Variants in DDX10 observed in about 807,000 individuals in gnomAD.
DDX10 encodes the protein DEAD-box helicase 10.
In DDX10, 74 loss-of-function variants were observed where a neutral mutation model predicts 104.3. The ratio of observed to expected loss-of-function variants is 0.71; its 90% CI spans 0.59 to 0.86. DDX10 has a LOEUF of 0.86. Ranked by LOEUF, DDX10 falls within the 40% of genes least tolerant of loss-of-function variation. The probability of loss-of-function intolerance (pLI) is 0.00; values close to 1 mark genes in which losing one functional copy is unlikely to be tolerated. For missense variants in DDX10, 952 were observed against 1,040.0 expected (o/e 0.92, Z 1.16); for synonymous variants, 351 against 353.4 (o/e 0.99, Z 0.08).
chr11:108,880,648 A>G (rs1467542115), intron 16 of DDX10, among the ~76,000 whole-genome samples: 1 of 152,226 alleles, frequency 6.6e-6, no homozygotes, highest in Non-Finnish European at 1.5e-5. Flanking sequence ...AAACGTAGGC[A>G]CTTCGGCAAA....
At chr11:108,875,958 A>G (rs1328385349) in intron 16 of DDX10, among the ~76,000 whole-genome samples, 1 of 152,182 alleles carries the variant, frequency 6.6e-6, no homozygotes, top group African/African-American at 2.4e-5. Context: ...GTCGTTATGT[A>G]CACTAGAGCA....
intron 13 of DDX10, among the ~76,000 whole-genome samples, chr11:108,827,781 G>T (rs370178454): frequency 1.3e-5 from 2 of 152,058 alleles, no homozygotes; most frequent in East Asian, 1.9e-4. Flanking sequence ...TGTTGCTATA[G>T]CCGGTATGTT....
intron 14 of DDX10, among the ~76,000 whole-genome samples, chr11:108,840,646 T>G (rs939451278): frequency 6.6e-6 from 1 of 152,200 alleles, no homozygotes; most frequent in Non-Finnish European, 1.5e-5. Flanking sequence ...AAACTGTATG[T>G]GTAAAATATG....
At chr11:108,670,369 CAGGTAGGA>C (rs2094215407) in intron 1 of DDX10, among the ~76,000 whole-genome samples, 1 of 152,056 alleles carries the variant, frequency 6.6e-6, no homozygotes, top group Admixed American at 6.5e-5. Context: ...GAAGGAGCAG[CAGGTAGGA>C]AGGTAGGAAG....
chr11:108,837,607 C>CTTTTTTTTTTTTTTTTTTTTTTTTTTT lies in DDX10; in HGVS notation c.1966-830_1966-804dup, dbSNP rs142381520. Among the ~76,000 whole-genome samples the CTTTTTTTTTTTTTTTTTTTTTTTTTTT allele has an allele frequency of 8.6e-5, 3 of 34,748 alleles. 1 individual carries two copies. Among genetic ancestry groups the CTTTTTTTTTTTTTTTTTTTTTTTTTTT allele is most frequent in the African/African-American group, 1.3e-4 (1 of 7,928 alleles). 22.8% of individuals were successfully genotyped at this position (34,748 alleles called of 152,430 possible). The stretch of plus-strand genomic sequence containing the variant: ...TTCTGCATCTCACCTTTGGATACAG[C>CTTTTTTTTTTTTTTTTTTTTTTTTTTT]TTTTTTTTTTTTTTTTTTTTTTTTT... On this transcript the variant is annotated intron_variant, in intron 13 of 17. Coordinates refer to ENST00000322536, the MANE Select transcript of DDX10 (RefSeq NM_004398.4).
Position 108,723,478 on chromosome 11 carries a change from G to T in DDX10, c.1965+16G>T. ...AACATTACAGGTAAGTTTACTCCCA[G>T]TGGAGGGTCTTCTATTACATTGTCT... On this transcript the variant is annotated intron_variant, in intron 13 of 17. Coordinates refer to ENST00000322536, the MANE Select transcript of DDX10 (RefSeq NM_004398.4). 6.3e-7 allele frequency: 1 copy of T among 1,597,596 alleles called. No homozygotes were observed. Among genetic ancestry groups the T allele is most frequent in the Non-Finnish European group, 8.5e-7 (1 of 1,172,946 alleles).
Position 108,867,363 on chromosome 11 carries a change from GTTTGAAC to G in DDX10, c.2304+15161_2304+15167del, listed in dbSNP as rs938909318. Among the ~76,000 whole-genome samples the G allele has an allele frequency of 2.6e-5, 4 of 152,298 alleles. No homozygotes were observed. In the South Asian group the frequency reaches 6.2e-4, roughly 24 times the overall value. ...ATTTATTTAGTAGTTTGAGTAGAAA[GTTTGAAC>G]TTTGAAGAGTAAGCCAGAGCTTCAT... On this transcript the variant is annotated intron_variant, in intron 16 of 17. Transcript: ENST00000322536.
intron 16 of DDX10, among the ~76,000 whole-genome samples, chr11:108,865,927 G>GA (rs1392723833): frequency 3.3e-5 from 5 of 151,828 alleles, no homozygotes; most frequent in African/African-American, 9.7e-5. Context: ...TGAATCCAAA[G>GA]AAAAAAAATA....
intron 1 of DDX10, among the ~76,000 whole-genome samples, chr11:108,668,689 A>C (rs2094213069): frequency 6.6e-6 from 1 of 152,172 alleles, no homozygotes; most frequent in Non-Finnish European, 1.5e-5. Flanking sequence ...ACAATTTGAC[A>C]GGCACTTGTC....
intron 16 of DDX10, among the ~76,000 whole-genome samples, chr11:108,877,796 G>A (rs969773756): frequency 6.6e-6 from 1 of 152,154 alleles, no homozygotes; most frequent in Non-Finnish European, 1.5e-5. Context: ...GGGTAGAAAC[G>A]CACAGTTCCC....
chr11:108,754,844 A>G (rs2094342664), intron 13 of DDX10, among the ~76,000 whole-genome samples: 1 of 152,064 alleles, frequency 6.6e-6, no homozygotes, highest in Admixed American at 6.6e-5. Context: ...CAGGAGCATA[A>G]CAGTTAAAAA....
At chr11:108,790,950 T>C (rs929490925) in intron 13 of DDX10, among the ~76,000 whole-genome samples, 10 of 152,342 alleles carry the variant, frequency 6.6e-5, no homozygotes, top group African/African-American at 2.2e-4. Flanking sequence ...ATGTGGTTGG[T>C]TGTCTTTACT....
rs1480247376 is a variant in DDX10 at position 108,763,630 on chromosome 11, T to G, written c.1965+40168T>G. Among the ~76,000 whole-genome samples the G allele has an allele frequency of 5.3e-5, 8 of 152,198 alleles. No individual in the cohort carries two copies. In the East Asian group the frequency reaches 1.5e-3, roughly 29 times the overall value. On this transcript the variant is annotated intron_variant, in intron 13 of 17. Transcript: ENST00000322536. The stretch of plus-strand genomic sequence containing the variant: ...TTATTTTAGGAGTGTTTTATAGTCA[T>G]ACTGTGATACAACTAAACTCATTTG...
chr11:108,706,047 C>T (rs1260114752), intron 9 of DDX10, among the ~76,000 whole-genome samples: 1 of 152,086 alleles, frequency 6.6e-6, no homozygotes, highest in African/African-American at 2.4e-5. Context: ...TCTCAGCTCA[C>T]TGCAACCTCC....
At chr11:108,710,115 A>C (rs570352563) in intron 10 of DDX10, among the ~76,000 whole-genome samples, 1 of 152,204 alleles carries the variant, frequency 6.6e-6, no homozygotes. Flanking sequence ...ATAAAAGATA[A>C]AAAGCATACC....
chr11:108,852,857 A>G (rs774054319), intron 16 of DDX10, among the ~76,000 whole-genome samples: 4 of 152,218 alleles, frequency 2.6e-5, no homozygotes, highest in Non-Finnish European at 4.4e-5. Flanking sequence ...TCCTAGAACT[A>G]GGGCCCAATA....
intron 17 of DDX10, among the ~76,000 whole-genome samples, chr11:108,932,449 A>G (rs931034253): frequency 6.6e-6 from 1 of 151,946 alleles, no homozygotes; most frequent in Admixed American, 6.6e-5. Context: ...CAAGACCCCC[A>G]TCTCTAAAAA....
At chr11:108,765,004 AATTT>A (rs1452745098) in intron 13 of DDX10, among the ~76,000 whole-genome samples, 4 of 152,334 alleles carry the variant, frequency 2.6e-5, no homozygotes, top group East Asian at 1.9e-4. Flanking sequence ...TGCAATTTAA[AATTT>A]ATTTCTTTGT....
chr11:108,875,206 G>A (rs1228289993), intron 16 of DDX10, among the ~76,000 whole-genome samples: 1 of 152,130 alleles, frequency 6.6e-6, no homozygotes, highest in African/African-American at 2.4e-5. Context: ...AAAGAGACTG[G>A]CTGCGTTTAG....
Sources: allele counts gnomAD v4.1 joint callset (sites outside exome capture counted in the v4.1 genomes callset), GRCh38; gene constraint gnomAD v4.1.1; transcripts MANE v1.5; gene names NCBI Gene and HGNC (gene_info 2026-07-23, HGNC 2026-07-21).